LARGE1: variants seen among roughly 807,000 people sequenced by gnomAD.
The protein encoded by LARGE1 is LARGE xylosyl- and glucuronyltransferase 1.
LARGE1 carries 43 observed loss-of-function variants against 87.6 expected under a neutral mutation model. The ratio of observed to expected loss-of-function variants is 0.49; its 90% confidence interval spans 0.38 to 0.63. LARGE1 has a LOEUF of 0.63. LARGE1 is among the 30% of genes least tolerant of loss of function. LARGE1 has a pLI of 0.00. For missense variants in LARGE1, 802 were observed against 1,000.2 expected, an observed-to-expected ratio of 0.80 and a Z score of 2.67; for synonymous variants, 434 against 394.6, an observed-to-expected ratio of 1.10 and a Z score of -1.18.
At chr22:33,080,026 T>A in the LARGE1 span, among the ~76,000 whole-genome samples, 2 of 152,192 alleles carry the variant, frequency 1.3e-5, no homozygotes, top group African/African-American at 4.8e-5. Flanking sequence ...GTGGCAGGCA[T>A]GTGGAGGGAA....
chr22:33,461,543 A>C (rs997192995), intron 6 of LARGE1, among the ~76,000 whole-genome samples: 12 of 151,934 alleles, frequency 7.9e-5, no homozygotes, highest in African/African-American at 2.9e-4. Context: ...TAGGAGATAT[A>C]CCTAATGTAA....
At chr22:33,601,071 A>AAAAC (rs774693884) in intron 5 of LARGE1, among the ~76,000 whole-genome samples, 3 of 152,266 alleles carry the variant, frequency 2.0e-5, no homozygotes, top group Middle Eastern at 3.4e-3. Flanking sequence ...CTCTGTCTGC[A>AAAAC]AAACAAACAA....
intron 1 of LARGE1, among the ~76,000 whole-genome samples, chr22:33,774,034 T>C (rs1485649421): frequency 7.0e-6 from 1 of 142,278 alleles, no homozygotes; most frequent in African/African-American, 2.7e-5. Context: ...AAGGAAGAAC[T>C]ATTGAAAAAG....
intron 6 of LARGE1, among the ~76,000 whole-genome samples, chr22:33,528,824 A>G (rs955207738): frequency 6.6e-5 from 10 of 152,196 alleles, no homozygotes; most frequent in Admixed American, 3.3e-4. Context: ...CTCCTTGACC[A>G]AGAGATGGTC....
chr22:33,716,912 G>A (rs2082926803), intron 2 of LARGE1, among the ~76,000 whole-genome samples: 1 of 152,168 alleles, frequency 6.6e-6, no homozygotes, highest in Non-Finnish European at 1.5e-5. Context: ...CAGACATTAT[G>A]GAACCACAAA....
intron 2 of LARGE1, among the ~76,000 whole-genome samples, chr22:33,658,686 C>A (rs111837265): frequency 7.9e-5 from 12 of 152,134 alleles, no homozygotes; most frequent in African/African-American, 2.9e-4. Flanking sequence ...TTGAATCTAT[C>A]ACTGATGGGC....
intron 6 of LARGE1, among the ~76,000 whole-genome samples, chr22:33,525,519 G>T (rs2071843290): frequency 6.6e-6 from 1 of 152,166 alleles, no homozygotes. Flanking sequence ...AGTGATATTT[G>T]ATCTATAATC....
intron 5 of LARGE1, among the ~76,000 whole-genome samples, chr22:33,575,919 T>C (rs2078339402): frequency 6.6e-6 from 1 of 152,192 alleles, no homozygotes; most frequent in South Asian, 2.1e-4. Context: ...CACTGGAGCA[T>C]TTACAGACTG....
intron 5 of LARGE1, among the ~76,000 whole-genome samples, chr22:33,598,132 G>A (rs11913203): frequency 0.089 from 13,582 of 152,196 alleles, 703 homozygotes; most frequent in Middle Eastern, 0.15. Context: ...TAACTTAGCT[G>A]AAATAAGCCA....
At chr22:33,824,643 G>A (rs888683553) in intron 1 of LARGE1, among the ~76,000 whole-genome samples, 4 of 151,832 alleles carry the variant, frequency 2.6e-5, no homozygotes, top group African/African-American at 4.8e-5. Context: ...GGAACCACAT[G>A]ACCCCCACTC....
At chr22:33,823,854 C>T (rs752383408) in intron 1 of LARGE1, among the ~76,000 whole-genome samples, 9 of 152,134 alleles carry the variant, frequency 5.9e-5, no homozygotes, top group African/African-American at 7.2e-5. Context: ...TTAAAGGGCA[C>T]GTCTCGATAC....
intron 2 of LARGE1, among the ~76,000 whole-genome samples, chr22:33,670,462 A>G (rs2081377298): frequency 6.6e-6 from 1 of 151,768 alleles, no homozygotes; most frequent in Non-Finnish European, 1.5e-5. Context: ...GGCATATACA[A>G]CATCTTAGAA....
chr22:33,860,195 T>C (rs1213316575), intron 1 of LARGE1, among the ~76,000 whole-genome samples: 1 of 152,192 alleles, frequency 6.6e-6, no homozygotes, highest in East Asian at 1.9e-4. Context: ...TCTCACTATG[T>C]TGCCCAGACT....
At chr22:33,232,333 C>A (rs1926048831) in intron 11 of LARGE1, among the ~76,000 whole-genome samples, 1 of 152,288 alleles carries the variant, frequency 6.6e-6, no homozygotes, top group South Asian at 2.1e-4. Flanking sequence ...GCCTCTGTTC[C>A]AAGAACTATA....
intron 6 of LARGE1, among the ~76,000 whole-genome samples, chr22:33,435,077 C>T (rs938751408): frequency 3.3e-5 from 5 of 152,226 alleles, no homozygotes; most frequent in African/African-American, 1.2e-4. Context: ...TCTCGGCTCA[C>T]TGCAACCTTC....
chr22:33,332,429 T>A (rs1290935299), intron 10 of LARGE1, among the ~76,000 whole-genome samples: 3 of 152,186 alleles, frequency 2.0e-5, no homozygotes, highest in Non-Finnish European at 4.4e-5. Flanking sequence ...CTCTTTCCTT[T>A]ATAAATTACC....
chr22:33,915,796 C>T (rs1207327450), intron 1 of LARGE1, among the ~76,000 whole-genome samples: 3 of 152,168 alleles, frequency 2.0e-5, no homozygotes, highest in Non-Finnish European at 4.4e-5. Flanking sequence ...TCTAACACCG[C>T]GTTTCCCTCT....
intron 9 of LARGE1, among the ~76,000 whole-genome samples, chr22:33,377,697 T>G (rs914136629): frequency 2.0e-5 from 3 of 152,304 alleles, no homozygotes; most frequent in African/African-American, 7.2e-5. Flanking sequence ...ATTATCTCCT[T>G]CTGATAGTCC....
chr22:33,197,052 C>A (rs1443782599), intron 11 of LARGE1, among the ~76,000 whole-genome samples: 1 of 151,990 alleles, frequency 6.6e-6, no homozygotes, highest in Non-Finnish European at 1.5e-5. Context: ...AAAAAAAGCA[C>A]TTTTGATTAT....
Sources: gnomAD v4.1 joint callset for allele counts (sites outside exome capture counted in the v4.1 genomes callset) on GRCh38, gnomAD v4.1.1 for gene constraint, MANE v1.5 for transcripts, NCBI Gene and HGNC (gene_info 2026-07-23, HGNC 2026-07-21) for gene names.